The following CENPC variants were observed in gnomAD, a reference collection of about 807,000 sequenced individuals.
The protein encoded by CENPC is centromere protein C.
In CENPC, 63 loss-of-function variants were observed where a neutral mutation model predicts 112.1. The ratio of observed to expected loss-of-function variants is 0.56; its 90% confidence interval spans 0.46 to 0.69. The LOEUF (loss-of-function observed/expected upper bound fraction) is 0.69, where lower values mean the gene tolerates loss of function less well. CENPC is among the 30% of genes least tolerant of loss of function. CENPC has a pLI of 0.00. For missense variants in CENPC, 1,000 were observed against 1,103.8 expected (o/e 0.91, Z 1.33); for synonymous variants, 333 against 367.6 (o/e 0.91, Z 1.08).
At chr4:67,511,011 A>T (rs2109800552) in intron 9 of CENPC, 3 of 456,162 alleles carry the variant, frequency 6.6e-6, no homozygotes, top group Non-Finnish European at 1.3e-5. Flanking sequence ...CATAGTACTT[A>T]GCATTTCAGG....
chr4:67,486,489 C>T (rs1176347023), intron 17 of CENPC, among the ~76,000 whole-genome samples: 1 of 152,192 alleles, frequency 6.6e-6, no homozygotes, highest in Non-Finnish European at 1.5e-5. Context: ...TCCAGGTTAG[C>T]ACCACATACA....
At chr4:67,492,796 G>T in intron 15 of CENPC, 73 bp downstream of exon 15, 1 of 1,413,360 alleles carries the variant, frequency 7.1e-7, no homozygotes, top group Non-Finnish European at 9.4e-7. Context: ...TTCATATTTT[G>T]CAAAGAGCTT....
chr4:67,486,494 C>T (rs1429912182), intron 17 of CENPC, among the ~76,000 whole-genome samples: 1 of 152,212 alleles, frequency 6.6e-6, no homozygotes, highest in Non-Finnish European at 1.5e-5. Context: ...GTTAGCACCA[C>T]ATACAGTGAT....
At position 67,514,519 on chromosome 4, in the gene CENPC, G is replaced by C. The variant is rs1725998141; in HGVS notation, c.999C>G (p.Ser333=). Residue 333 remains serine (S), a synonymous_variant, in exon 8 of 19, where the codon TCC becomes TCG. Coordinates refer to ENST00000273853, the MANE Select transcript of CENPC (RefSeq NM_001812.4). Reference sequence around the variant, plus strand: ...GAAGGAGTGCAGTGCTCTCAGCCGGGGATATTGTGCGTTGTTTCAGAGACC... The same window carrying C: ...GAAGGAGTGCAGTGCTCTCAGCCGGCGATATTGTGCGTTGTTTCAGAGACC... ...KAGSLKQRTI[S]PAESTALLQG... is the part of the protein sequence containing the mutation. 1.2e-6 allele frequency: 2 copies of C among 1,612,984 alleles called. No homozygotes were observed. Among genetic ancestry groups the C allele is most frequent in the Admixed American group, 1.7e-5 (1 of 59,884 alleles).
At position 67,506,753 on chromosome 4, in the gene CENPC, T is replaced by C; in HGVS notation, c.2051+35A>G. 3 of 1,489,926 alleles carry C rather than the reference T, an allele frequency of 2.0e-6. No individual in the cohort carries two copies. The African/African-American group carries it at 4.2e-5, about 21-fold the overall frequency. The allele number at this position is 1,489,926 out of a possible 1,614,324, so 92.3% of individuals were successfully genotyped here. A position where few individuals can be genotyped will look rare whatever the true frequency, so the allele number is the denominator to read the frequency against. The stretch of plus-strand genomic sequence containing the variant: ...CTGTTATACAGCAATGGGTAACTAA[T>C]ATATACAACTATTATCCTTACAATA... On this transcript the variant is annotated intron_variant, in intron 11 of 18. Transcript: ENST00000273853.
At chr4:67,508,560 T>C (rs1315214215) in intron 10 of CENPC, among the ~76,000 whole-genome samples, 42 of 127,438 alleles carry the variant, frequency 3.3e-4, no homozygotes, top group Non-Finnish European at 5.9e-4. Context: ...ATGACAATAA[T>C]ATCTTATTAA....
intron 5 of CENPC, 32 bp downstream of exon 5, chr4:67,530,783 A>T (rs762377330): frequency 2.7e-6 from 3 of 1,131,238 alleles, no homozygotes; most frequent in Non-Finnish European, 3.8e-6. Flanking sequence ...AAATATATCC[A>T]AGCAAATAAT....
At position 67,508,849 on chromosome 4, in the gene CENPC, T is replaced by G; in HGVS notation, c.1869A>C (p.Ala623=). 2.5e-6 allele frequency: 4 copies of G among 1,613,606 alleles called. No homozygotes were observed. The highest frequency in any genetic ancestry group is 2.5e-6 in the Non-Finnish European group (3 of 1,179,706). Residue 623 remains alanine (A), a synonymous_variant, in exon 10 of 19, where the codon GCA becomes GCC. Transcript: ENST00000273853. ...SLSEPLESDE[A]DLAKKKNLDC... ...CAAGATTTTTCTTCTTAGCCAAGTC[T>G]GCCTCATCACTTTCCAATGGCTCAC... is the stretch of plus-strand genomic sequence containing the variant.
In CENPC at chr4:67,544,159, G is replaced by T; in HGVS notation, c.55C>A (p.Arg19=). The change falls in exon 2 of 19, where the codon CGA becomes AGA. Residue 19 remains arginine (R), a synonymous_variant. Transcript: ENST00000273853. The part of the protein sequence containing the change: ...LKNGYRRRFC[R]PSRARDINTE... ...AAGTACGTAAATCACCTGGAAGGTC[G>T]ACAAAATCTTCTTCTGTAGCCATTT... 6.5e-7 allele frequency: 1 copy of T among 1,543,476 alleles called. No individual in the cohort carries two copies. The highest frequency in any genetic ancestry group is 1.1e-5 in the South Asian group (1 of 88,980).
In CENPC at chr4:67,522,550, A is replaced by G. The variant is rs2109814936; in HGVS notation, c.332-3048T>C. On this transcript the variant is annotated intron_variant, in intron 5 of 18. Transcript: ENST00000273853. ...AGAAAGACAGGAAGAGAGAGAGAGA[A>G]GGAGAGAGAGATCCAGCATGCCAAG... Among the ~76,000 whole-genome samples, 2 of 152,256 alleles carry G rather than the reference A, an allele frequency of 1.3e-5. 1 individual carries two copies. The highest frequency in any genetic ancestry group is 4.2e-4 in the South Asian group (2 of 4,816).
chr4:67,543,827 G>GC (rs2109839638), intron 2 of CENPC, among the ~76,000 whole-genome samples: 1 of 152,104 alleles, frequency 6.6e-6, no homozygotes, highest in African/African-American at 2.4e-5. Flanking sequence ...TTTTCTTTTT[G>GC]CCCCACTGAA....
intron 1 of CENPC, among the ~76,000 whole-genome samples, chr4:67,544,687 C>G (rs115252257): frequency 0.013 from 1,906 of 152,186 alleles, 45 homozygotes; most frequent in African/African-American, 0.043. Context: ...AATATGTAAA[C>G]AAAATGAGTT....
At position 67,492,854 on chromosome 4, in the gene CENPC, G is replaced by T. The variant is rs1378505679; in HGVS notation, c.2419+15C>A. On this transcript the variant is annotated intron_variant, in intron 15 of 18. Coordinates refer to ENST00000273853, the MANE Select transcript of CENPC (RefSeq NM_001812.4). Reference sequence around the variant, plus strand: ...AAATAAAATCTAAAAGTTACTTTCAGAAATAAGTTCATACTTCTTTCATCG... The same window carrying T: ...AAATAAAATCTAAAAGTTACTTTCATAAATAAGTTCATACTTCTTTCATCG... 1.3e-6 allele frequency: 2 copies of T among 1,530,540 alleles called. No individual in the cohort carries two copies. Among genetic ancestry groups the T allele is most frequent in the Non-Finnish European group, 1.8e-6 (2 of 1,134,774 alleles). 94.8% of individuals were successfully genotyped at this position (1,530,540 alleles called of 1,614,324 possible).
In CENPC at chr4:67,514,321, T is replaced by C; in HGVS notation, c.1197A>G (p.Lys399=). 6.2e-7 allele frequency: 1 copy of C among 1,610,980 alleles called. No homozygotes were observed. The highest frequency in any genetic ancestry group is 8.5e-7 in the Non-Finnish European group (1 of 1,178,080). Residue 399 remains lysine, a synonymous_variant, in exon 8 of 19, where the codon AAA becomes AAG. Transcript: ENST00000273853. ...GETVNNYRST[K]YEMYSKNAEK... is the part of the protein sequence containing the mutation. The stretch of plus-strand genomic sequence containing the variant: ...CTGCATTCTTGGAATACATTTCATA[T>C]TTTGTAGATCTATAATTATTTACTG...
At chr4:67,491,464 T>G (rs1434203184) in intron 16 of CENPC, among the ~76,000 whole-genome samples, 61 of 66,300 alleles carry the variant, frequency 9.2e-4, no homozygotes, top group East Asian at 1.2e-3. Flanking sequence ...TATATATATA[T>G]ATATATATAT....
At chr4:67,489,272 G>A (rs1220848753) in intron 17 of CENPC, among the ~76,000 whole-genome samples, 2 of 151,400 alleles carry the variant, frequency 1.3e-5, no homozygotes, top group Non-Finnish European at 3.0e-5. Context: ...GTCTCTAAAT[G>A]GGGGTGGGGG....
At chr4:67,540,114 T>C (rs1169088761) in intron 3 of CENPC, among the ~76,000 whole-genome samples, 180 bp from the exon 4 acceptor site, 1 of 152,142 alleles carries the variant, frequency 6.6e-6, no homozygotes, top group East Asian at 1.9e-4. Flanking sequence ...CATCAGGAAA[T>C]GAGAAAAGCA....
chr4:67,491,472 TATATATATAGAGAGAGAG>T (rs1363850803), intron 16 of CENPC, among the ~76,000 whole-genome samples: 20 of 39,264 alleles, frequency 5.1e-4, no homozygotes, highest in African/African-American at 1.3e-3. Context: ...TATATATATA[TATATATATAGAGAGAGAG>T]AGAGAGAGAG....
At chr4:67,525,563 T>TA (rs1560439664) in intron 5 of CENPC, among the ~76,000 whole-genome samples, 2 of 151,510 alleles carry the variant, frequency 1.3e-5, no homozygotes, top group African/African-American at 4.9e-5. Flanking sequence ...CAAACATAAT[T>TA]AAAAAAAAGC....
Sources: allele counts gnomAD v4.1 joint callset (sites outside exome capture counted in the v4.1 genomes callset), GRCh38; gene constraint gnomAD v4.1.1; transcripts MANE v1.5; gene names NCBI Gene and HGNC (gene_info 2026-07-23, HGNC 2026-07-21).